RIMBP2: variants seen among roughly 807,000 people sequenced by gnomAD.
The protein encoded by RIMBP2 is RIMS binding protein 2.
RIMBP2 carries 48 observed loss-of-function variants against 118.6 expected under a neutral mutation model. That is an observed-to-expected ratio of 0.40 (90% CI 0.32 to 0.51). RIMBP2 has a LOEUF of 0.51. RIMBP2 is among the 20% of genes least tolerant of loss of function. The pLI is 0.41. For synonymous variants in RIMBP2, 762 were observed against 742.9 expected (o/e 1.03, Z -0.42); for missense variants, 1,551 against 1,768.3 (o/e 0.88, Z 2.20).
rs1042588616 is a variant in RIMBP2 at position 130,703,147 on chromosome 12, A to G, written c.-352+13075T>C. Among the ~76,000 whole-genome samples the G allele has an allele frequency of 1.3e-5, 2 of 152,130 alleles. No homozygotes were observed. The highest frequency in any genetic ancestry group is 3.9e-4 in the East Asian group (2 of 5,166). ...GGGATTCTTTGCCTGGCAGTTGGAG[A>G]TAATTGCAGTTGCCAAAGTGGTCCG... On this transcript the variant is annotated intron_variant, in intron 1 of 22. Transcript: ENST00000690449. The surrounding 1 kb of genome is among the most constrained non-coding windows in gnomAD (Gnocchi z 5.7).
At chr12:130,440,347 T>C (rs1182517040) in intron 11 of RIMBP2, among the ~76,000 whole-genome samples, 4 of 152,170 alleles carry the variant, frequency 2.6e-5, no homozygotes, top group Non-Finnish European at 4.4e-5. Flanking sequence ...TGAGAAATGC[T>C]GACCTACATG....
chr12:130,441,904 G>T lies in RIMBP2; in HGVS notation c.1448C>A (p.Pro483Gln). The change falls in exon 11 of 23, where the codon CCG becomes CAG. Residue 483 changes from proline (P) to glutamine (Q), a missense_variant. Pro to Gln is a moderately conservative substitution (Grantham distance 76). Around this residue, in one of 5 missense-constraint regions of RIMBP2, gnomAD observed 1,038 missense variants for 1,125.1 expected, o/e 0.92. Coordinates refer to ENST00000690449, the MANE Select transcript of RIMBP2 (RefSeq NM_001393629.1). ...AKPHQMPWQL[P>Q]LEQREKKEAF... is the part of the protein sequence containing the mutation. Reference sequence around the variant, plus strand: ...CTCCTTCTTCTCCCTTTGCTCCAGCGGGAGCTGCCACGGCATCTGGTGGGG... The same window carrying T: ...CTCCTTCTTCTCCCTTTGCTCCAGCTGGAGCTGCCACGGCATCTGGTGGGG... 6.2e-7 allele frequency: 1 copy of T among 1,613,876 alleles called. No individual in the cohort carries two copies. Among genetic ancestry groups the T allele is most frequent in the Non-Finnish European group, 8.5e-7 (1 of 1,180,046 alleles).
intron 13 of RIMBP2, among the ~76,000 whole-genome samples, chr12:130,435,958 G>C (rs1273195881): frequency 6.6e-6 from 1 of 152,170 alleles, no homozygotes. Context: ...CCAGCCCAGA[G>C]GAACACTCAC....
intron 2 of RIMBP2, among the ~76,000 whole-genome samples, chr12:130,572,659 T>C (rs1162009875): frequency 1.3e-5 from 2 of 151,596 alleles, no homozygotes; most frequent in African/African-American, 2.4e-5. Context: ...ACACAAGAGA[T>C]GCAAACAGAA....
Position 130,703,086 on chromosome 12 carries a change from C to T in RIMBP2, c.-352+13136G>A, listed in dbSNP as rs145221967. Among the ~76,000 whole-genome samples the T allele has an allele frequency of 6.9e-3, 1,049 of 152,224 alleles. 16 individuals are homozygous for T. The highest frequency in any genetic ancestry group is 0.024 in the African/African-American group (1,001 of 41,540). Reference sequence around the variant, plus strand: ...TTAGAACAGGATTTTCCTGTAATGCCTCCAGGTCACCAGGTCACTGCAGCA... The same window carrying T: ...TTAGAACAGGATTTTCCTGTAATGCTTCCAGGTCACCAGGTCACTGCAGCA... On this transcript the variant is annotated intron_variant, in intron 1 of 22. Coordinates refer to ENST00000690449, the MANE Select transcript of RIMBP2 (RefSeq NM_001393629.1). This position sits in a 1 kb window ranked among gnomAD's most constrained non-coding sequence, Gnocchi z 5.7.
At chr12:130,676,560 T>C (rs369445388) in intron 1 of RIMBP2, among the ~76,000 whole-genome samples, 157 of 149,898 alleles carry the variant, frequency 1.0e-3, no homozygotes, top group African/African-American at 3.8e-3. Flanking sequence ...GAGGTGGAGG[T>C]TGCAGTGAGC....
intron 3 of RIMBP2, among the ~76,000 whole-genome samples, chr12:130,516,507 T>C (rs2051476768): frequency 6.6e-6 from 1 of 151,978 alleles, no homozygotes; most frequent in Non-Finnish European, 1.5e-5. Context: ...ACAAAGAACA[T>C]GAAAACAGGT....
chr12:130,506,781 A>C lies in RIMBP2; in HGVS notation c.-126-11T>G. ...ATACTCTGCCTTCACCTGCAAGCGGAAGGGATGGAGACAAGGAGGTTATCA... is the reference window on the plus strand; with the variant it reads ...ATACTCTGCCTTCACCTGCAAGCGGCAGGGATGGAGACAAGGAGGTTATCA... On this transcript the variant is annotated splice_polypyrimidine_tract_variant and intron_variant, in intron 3 of 22. Coordinates refer to ENST00000690449, the MANE Select transcript of RIMBP2 (RefSeq NM_001393629.1). The C allele has an allele frequency of 3.0e-6, 3 of 985,644 alleles. No homozygotes were observed. The highest frequency in any genetic ancestry group is 3.6e-6 in the Non-Finnish European group (3 of 829,932). The allele number at this position is 985,644 out of a possible 1,614,324, so 61.1% of individuals were successfully genotyped here. A position where few individuals can be genotyped will look rare whatever the true frequency, so the allele number is the denominator to read the frequency against.
intron 2 of RIMBP2, among the ~76,000 whole-genome samples, chr12:130,533,126 G>T (rs1316510934): frequency 2.0e-5 from 3 of 150,558 alleles, no homozygotes; most frequent in Admixed American, 6.6e-5. Context: ...GCCTCTAGGA[G>T]GGACGTCTAA....
chr12:130,520,120 C>A (rs2051922240), intron 2 of RIMBP2, among the ~76,000 whole-genome samples: 1 of 152,202 alleles, frequency 6.6e-6, no homozygotes, highest in Non-Finnish European at 1.5e-5. Flanking sequence ...GCTGGTCTTT[C>A]ACCCAATTTT....
At chr12:130,715,963 C>T (rs1950300520) in intron 1 of RIMBP2, among the ~76,000 whole-genome samples, 1 of 152,152 alleles carries the variant, frequency 6.6e-6, no homozygotes. Context: ...CAGGAAGAAG[C>T]CCGTCAGCCC....
rs74195662 is a variant in RIMBP2 at position 130,664,465 on chromosome 12, A to ACACACACACG, written c.-351-36010_-351-36009insCGTGTGTGTG. 1.1e-4 allele frequency among the ~76,000 whole-genome samples: 14 copies of ACACACACACG among 122,720 alleles called. 1 individual carries two copies. In the South Asian group the frequency reaches 1.4e-3, roughly 13 times the overall value. 80.5% of individuals were successfully genotyped at this position (122,720 alleles called of 152,430 possible). ...CACACACGCACACACATGCACGCAC[A>ACACACACACG]CACACGCACGCACACGCATCACACA... is the stretch of plus-strand genomic sequence containing the variant. On this transcript the variant is annotated intron_variant, in intron 1 of 22. Coordinates refer to ENST00000690449, the MANE Select transcript of RIMBP2 (RefSeq NM_001393629.1).
intron 4 of RIMBP2, among the ~76,000 whole-genome samples, chr12:130,499,878 T>C (rs1342509803): frequency 6.6e-6 from 1 of 152,262 alleles, no homozygotes; most frequent in Non-Finnish European, 1.5e-5. Flanking sequence ...AAGCGTTTGA[T>C]GCAAAGTGGT....
intron 14 of RIMBP2, chr12:130,432,400 C>T: frequency 2.3e-6 from 1 of 432,010 alleles, no homozygotes; most frequent in Non-Finnish European, 4.6e-6. Flanking sequence ...ATGTAATACA[C>T]AGAAAGCCTC....
chr12:130,626,357 G>A (rs934796685), intron 2 of RIMBP2, among the ~76,000 whole-genome samples: 6 of 150,718 alleles, frequency 4.0e-5, no homozygotes, highest in Admixed American at 3.3e-4. Flanking sequence ...CCATCACCAC[G>A]ACTACCACTG....
At chr12:130,428,414 C>T in intron 14 of RIMBP2, 77 bp from the exon 15 acceptor site, 1 of 1,476,494 alleles carries the variant, frequency 6.8e-7, no homozygotes, top group Non-Finnish European at 9.2e-7. Context: ...AGCTTGCCAA[C>T]CCTTTCCCTG....
At chr12:130,672,127 T>C (rs1248671560) in intron 1 of RIMBP2, among the ~76,000 whole-genome samples, 1 of 152,230 alleles carries the variant, frequency 6.6e-6, no homozygotes, top group Non-Finnish European at 1.5e-5. Context: ...ACTCGGAATG[T>C]GCCTCCAAGT....
At chr12:130,406,116 A>C in intron 21 of RIMBP2, 56 bp downstream of exon 21, 2 of 1,171,700 alleles carry the variant, frequency 1.7e-6, no homozygotes, top group Non-Finnish European at 2.5e-6. Context: ...CAAAACACAC[A>C]AAATAAATGA....
chr12:130,464,145 T>G (rs893784717), intron 6 of RIMBP2, among the ~76,000 whole-genome samples: 4 of 151,186 alleles, frequency 2.6e-5, no homozygotes, highest in African/African-American at 7.3e-5. Context: ...CAACCACGAA[T>G]AGCCCACACT....
Sources: allele counts gnomAD v4.1 joint callset (sites outside exome capture counted in the v4.1 genomes callset), GRCh38; gene constraint gnomAD v4.1.1; regional missense constraint gnomAD v4.1.1; non-coding constraint Gnocchi (gnomAD v3.1); transcripts MANE v1.5; gene names NCBI Gene and HGNC (gene_info 2026-07-23, HGNC 2026-07-21).